Variants in PDE11A observed in about 807,000 individuals in gnomAD.
The protein encoded by PDE11A is dual 3',5'-cyclic-AMP and -GMP phosphodiesterase 11A.
A neutral mutation model predicts 100.5 loss-of-function variants in PDE11A; 100 were observed. The ratio of observed to expected loss-of-function variants is 1.00; its 90% CI spans 0.85 to 1.18. The LOEUF is 1.18. Among genes scored for constraint, PDE11A ranks in the 50% most tolerant of loss-of-function variants. The pLI is 0.00. For synonymous variants in PDE11A, 381 were observed against 420.8 expected (o/e 0.91, Z 1.16); for missense variants, 1,141 against 1,152.6 (o/e 0.99, Z 0.15).
At chr2:177,670,008 G>T (rs1416782433) in intron 17 of PDE11A, among the ~76,000 whole-genome samples, 2 of 152,130 alleles carry the variant, frequency 1.3e-5, no homozygotes, top group African/African-American at 4.8e-5. Flanking sequence ...TGTTAGCCCA[G>T]CTTCAATTTG....
rs150820732 is a variant in PDE11A at position 178,079,409 on chromosome 2, C to T, written c.162+24893G>A. ...ATGTGGGTTTGGTTTTCTATTCCTG[C>T]GTTAGTTTGCTGAGGATAATGGCTT... On this transcript the variant is annotated intron_variant, in intron 2 of 20. Transcript: ENST00000358450. Among the ~76,000 whole-genome samples, 1,148 of 152,084 alleles carry T rather than the reference C, an allele frequency of 7.5e-3. 21 individuals are homozygous for T. The highest frequency in any genetic ancestry group is 0.026 in the African/African-American group (1,090 of 41,454).
intron 9 of PDE11A, among the ~76,000 whole-genome samples, chr2:177,798,140 C>T (rs986103567): frequency 5.9e-5 from 9 of 152,308 alleles, no homozygotes; most frequent in African/African-American, 2.2e-4. Flanking sequence ...CTCCATGGAG[C>T]ATTCCTGCTA....
intron 4 of PDE11A, among the ~76,000 whole-genome samples, chr2:177,882,105 T>C (rs192237844): frequency 3.3e-5 from 5 of 152,300 alleles, no homozygotes; most frequent in East Asian, 3.9e-4. Flanking sequence ...CAGGGGACAG[T>C]TCCACTCCAA....
At chr2:178,093,765 A>G (rs1189349881) in intron 2 of PDE11A, among the ~76,000 whole-genome samples, 2 of 152,254 alleles carry the variant, frequency 1.3e-5, no homozygotes, top group East Asian at 1.9e-4. Context: ...TCAGCTGGCC[A>G]TGAAAGTCTT....
chr2:177,854,320 A>G (rs543177687), intron 5 of PDE11A, among the ~76,000 whole-genome samples: 1 of 152,176 alleles, frequency 6.6e-6, no homozygotes, highest in East Asian at 1.9e-4. Context: ...ATGCCATGAA[A>G]AAGAAAAGAT....
chr2:177,845,654 C>T (rs1276109107), intron 5 of PDE11A, among the ~76,000 whole-genome samples: 5 of 152,040 alleles, frequency 3.3e-5, no homozygotes, highest in East Asian at 1.9e-4. Context: ...GCTGCAATCT[C>T]GGCACTTTGG....
rs753913877 is a variant in PDE11A at position 178,071,940 on chromosome 2, G to C, written c.498C>G (p.Pro166=). ...ALLRKASSLP[P]TTAHILSALL... ...GCGCACTGAGAATATGGGCTGTGGT[G>C]GGGGGCAGGGAGCTTGCCTTCCGGA... Residue 166 remains proline, a synonymous_variant, in exon 1 of 20, where the codon CCC becomes CCG. Transcript: ENST00000286063. 1.2e-6 allele frequency: 2 copies of C among 1,613,896 alleles called. No homozygotes were observed. The highest frequency in any genetic ancestry group is 3.3e-5 in the Admixed American group (2 of 60,022).
At chr2:177,778,440 A>G (rs989700337) in intron 9 of PDE11A, among the ~76,000 whole-genome samples, 2 of 152,208 alleles carry the variant, frequency 1.3e-5, no homozygotes, top group Non-Finnish European at 2.9e-5. Flanking sequence ...CAAAGACCCC[A>G]CTGAGGATCC....
At chr2:177,813,758 G>A (rs1197156966) in intron 9 of PDE11A, among the ~76,000 whole-genome samples, 2 of 151,880 alleles carry the variant, frequency 1.3e-5, no homozygotes, top group African/African-American at 4.8e-5. Flanking sequence ...TTTTAAGGAA[G>A]GAAAAGATTC....
At chr2:177,911,891 A>G (rs2084886398) in intron 2 of PDE11A, among the ~76,000 whole-genome samples, 1 of 152,112 alleles carries the variant, frequency 6.6e-6, no homozygotes, top group Non-Finnish European at 1.5e-5. Context: ...CTCCAAAAAA[A>G]AAAAAAATTG....
chr2:177,632,865 T>A (rs1484134068), intron 19 of PDE11A, among the ~76,000 whole-genome samples: 1 of 152,202 alleles, frequency 6.6e-6, no homozygotes, highest in Non-Finnish European at 1.5e-5. Context: ...TTTTACCCCA[T>A]GGAGAGTAAT....
At chr2:177,905,287 C>T in intron 2 of PDE11A, 100 bp from the exon 3 acceptor site, 2 of 681,258 alleles carry the variant, frequency 2.9e-6, no homozygotes, top group South Asian at 1.7e-5. Context: ...GATTGTAATA[C>T]TTTATTTGCA....
intron 1 of PDE11A, chr2:178,018,504 C>T (rs2086368305): frequency 2.1e-6 from 1 of 480,068 alleles, no homozygotes; most frequent in Non-Finnish European, 4.1e-6. Context: ...ATTCTTAACA[C>T]CTTAAAAAGT....
chr2:178,079,746 G>C (rs976905972), intron 2 of PDE11A, among the ~76,000 whole-genome samples: 1 of 152,014 alleles, frequency 6.6e-6, no homozygotes, highest in Non-Finnish European at 1.5e-5. Flanking sequence ...ACTAATTTAC[G>C]TTCCCACCAA....
intron 1 of PDE11A, among the ~76,000 whole-genome samples, chr2:178,043,721 T>A (rs887803321): frequency 3.3e-5 from 5 of 152,214 alleles, no homozygotes; most frequent in Non-Finnish European, 1.5e-5. Context: ...GCCAGAGTTT[T>A]GCACACATGG....
intron 1 of PDE11A, among the ~76,000 whole-genome samples, chr2:178,036,558 T>G (rs1206698347): frequency 6.6e-6 from 1 of 152,168 alleles, no homozygotes; most frequent in Non-Finnish European, 1.5e-5. Flanking sequence ...AGAACCTGTA[T>G]AGCCAAGACA....
At chr2:177,725,304 A>AC (rs34568807) in intron 12 of PDE11A, among the ~76,000 whole-genome samples, 25,519 of 152,152 alleles carry the variant, frequency 0.17, 2,288 homozygotes, top group Middle Eastern at 0.27. Flanking sequence ...TGGAGAAGAT[A>AC]CTTACGTTAG....
At chr2:177,905,314 A>G (rs1488603940) in intron 2 of PDE11A, 127 bp from the exon 3 acceptor site, 1 of 604,680 alleles carries the variant, frequency 1.7e-6, no homozygotes, top group Non-Finnish European at 3.0e-6. Flanking sequence ...GAGATTGAAT[A>G]CAGAGAGTTG....
intron 2 of PDE11A, among the ~76,000 whole-genome samples, chr2:178,011,748 C>T (rs1289103700): frequency 6.6e-6 from 1 of 152,166 alleles, no homozygotes; most frequent in Non-Finnish European, 1.5e-5. Flanking sequence ...CAAGTTCTTT[C>T]CCCGGATTCT....
Sources: allele counts gnomAD v4.1 joint callset (sites outside exome capture counted in the v4.1 genomes callset), GRCh38; gene constraint gnomAD v4.1.1; transcripts MANE v1.5; gene names NCBI Gene and HGNC (gene_info 2026-07-23, HGNC 2026-07-21).